The following ARHGAP19 variants were observed in gnomAD, a reference collection of about 807,000 sequenced individuals.
ARHGAP19 encodes the protein rho GTPase-activating protein 19.
Under a neutral mutation model 60.9 loss-of-function variants are expected in ARHGAP19, and 48 were observed. The observed-to-expected ratio is 0.79, with a 90% CI of 0.62 to 1.00. The LOEUF (loss-of-function observed/expected upper bound fraction) is 1.00, where lower values mean the gene tolerates loss of function less well. Ranked by LOEUF, ARHGAP19 falls within the 50% of genes least tolerant of loss-of-function variation. The pLI is 0.00. For synonymous variants in ARHGAP19, 209 were observed against 215.5 expected, an observed-to-expected ratio of 0.97 and a Z score of 0.27; for missense variants, 562 against 597.2, an observed-to-expected ratio of 0.94 and a Z score of 0.61.
intron 1 of ARHGAP19, chr10:97,270,754 A>T: frequency 1.5e-6 from 2 of 1,303,344 alleles, no homozygotes; most frequent in Non-Finnish European, 2.1e-6. Context: ...ATACAAGGGC[A>T]CATTATGGGG....
intron 1 of ARHGAP19, among the ~76,000 whole-genome samples, chr10:97,266,437 C>G (rs1842899940): frequency 1.3e-5 from 2 of 152,200 alleles, no homozygotes; most frequent in Admixed American, 1.3e-4. Context: ...CCAACCTCTG[C>G]TCAGACAGGT....
At chr10:97,255,748 T>C (rs1300906152) in intron 6 of ARHGAP19, among the ~76,000 whole-genome samples, 1 of 152,086 alleles carries the variant, frequency 6.6e-6, no homozygotes, top group African/African-American at 2.4e-5. Context: ...ACCTCACAGA[T>C]CCTCTCAATT....
At chr10:97,230,639 A>G (rs1850990105) in intron 9 of ARHGAP19, among the ~76,000 whole-genome samples, 2 of 152,236 alleles carry the variant, frequency 1.3e-5, no homozygotes, top group Non-Finnish European at 2.9e-5. Flanking sequence ...ATGAGCAGCA[A>G]TATTCAGAAC....
At chr10:97,278,964 G>GAGCT (rs895375803) in intron 1 of ARHGAP19, among the ~76,000 whole-genome samples, 1 of 152,152 alleles carries the variant, frequency 6.6e-6, no homozygotes, top group Non-Finnish European at 1.5e-5. Context: ...ATCAAAATAT[G>GAGCT]AGCTATATTT....
chr10:97,284,465 A>C (rs1295790955), intron 1 of ARHGAP19, among the ~76,000 whole-genome samples: 1 of 151,988 alleles, frequency 6.6e-6, no homozygotes, highest in African/African-American at 2.4e-5. Flanking sequence ...TGTAGTAAAT[A>C]TTATATAAGT....
At chr10:97,234,415 TAAAAAA>T (rs10592924) in intron 9 of ARHGAP19, among the ~76,000 whole-genome samples, 1 of 124,170 alleles carries the variant, frequency 8.1e-6, no homozygotes, top group Non-Finnish European at 1.6e-5. Context: ...AAATAAAAAT[TAAAAAA>T]AAAAAAAAAA....
At chr10:97,285,580 G>C (rs1427087052) in intron 1 of ARHGAP19, among the ~76,000 whole-genome samples, 1 of 143,494 alleles carries the variant, frequency 7.0e-6, no homozygotes, top group Non-Finnish European at 1.5e-5. Flanking sequence ...GGAGTATAGT[G>C]GCACAATCTC....
intron 1 of ARHGAP19, among the ~76,000 whole-genome samples, chr10:97,269,660 AG>A (rs1277156529): frequency 6.6e-6 from 1 of 152,182 alleles, no homozygotes; most frequent in Non-Finnish European, 1.5e-5. Flanking sequence ...CAGGAGGGCC[AG>A]AAAAATCATA....
At chr10:97,271,969 T>C (rs1365924516) in intron 1 of ARHGAP19, among the ~76,000 whole-genome samples, 1 of 152,056 alleles carries the variant, frequency 6.6e-6, no homozygotes, top group African/African-American at 2.4e-5. Flanking sequence ...AACTTTGTTA[T>C]GATGTATTAT....
At chr10:97,264,758 A>C (rs1842876000) in intron 3 of ARHGAP19, 68 bp downstream of exon 3, 10 of 1,206,678 alleles carry the variant, frequency 8.3e-6, no homozygotes, top group Non-Finnish European at 9.7e-6. Context: ...AACTCAAGGC[A>C]GTTAGCTCTC....
chr10:97,265,136 T>C (rs1842881745), intron 2 of ARHGAP19, among the ~76,000 whole-genome samples: 2 of 152,136 alleles, frequency 1.3e-5, no homozygotes, highest in Admixed American at 6.5e-5. Flanking sequence ...GGAAAGACCA[T>C]CTTCTTATTC....
In ARHGAP19 at chr10:97,278,266, C is replaced by G. The variant is rs1323188088; in HGVS notation, c.57-12141G>C. ...AGAGCATCATCCCTGAAGGAAAAAT[C>G]AGTTAAATCATTTTGTTCAACAGGA... is the stretch of plus-strand genomic sequence containing the variant. On this transcript the variant is annotated intron_variant, in intron 1 of 11. Coordinates refer to ENST00000358531, the MANE Select transcript of ARHGAP19 (RefSeq NM_032900.6). Among the ~76,000 whole-genome samples the G allele has an allele frequency of 2.6e-5, 4 of 152,296 alleles. No homozygotes were observed. The East Asian group carries it at 7.7e-4, about 29-fold the overall frequency.
rs1217776526 is a variant in ARHGAP19 at position 97,225,497 on chromosome 10, A to T, written c.*625T>A. On this transcript the variant is annotated 3_prime_UTR_variant, in exon 12 of 12. Transcript: ENST00000358531. The stretch of plus-strand genomic sequence containing the variant: ...TCTGATGTCACACCCAAGAAATAAT[A>T]AAAAATGTCCAGAAAAGCTATAAAT... 1 of 152,230 alleles carries T rather than the reference A, an allele frequency of 6.6e-6. No homozygotes were observed. Among genetic ancestry groups the T allele is most frequent in the Admixed American group, 6.5e-5 (1 of 15,278 alleles). 9.4% of individuals were successfully genotyped at this position (152,230 alleles called of 1,614,324 possible).
At chr10:97,281,412 A>T (rs1369822874) in intron 1 of ARHGAP19, among the ~76,000 whole-genome samples, 1 of 152,100 alleles carries the variant, frequency 6.6e-6, no homozygotes, top group Non-Finnish European at 1.5e-5. Context: ...TCAAAAAAGA[A>T]AAGAGTTTCT....
intron 1 of ARHGAP19, chr10:97,278,002 G>A (rs1483177077): frequency 6.6e-6 from 1 of 152,272 alleles, no homozygotes; most frequent in East Asian, 1.9e-4. Flanking sequence ...TACTACATCA[G>A]GTACAATAAA....
At chr10:97,243,897 T>C (rs1842524802) in intron 8 of ARHGAP19, 71 bp downstream of exon 8, 2 of 1,379,560 alleles carry the variant, frequency 1.4e-6, no homozygotes. Flanking sequence ...TTCTTAACAA[T>C]ATGACCTACT....
At chr10:97,234,643 T>C (rs540524094) in intron 9 of ARHGAP19, among the ~76,000 whole-genome samples, 4 of 152,276 alleles carry the variant, frequency 2.6e-5, no homozygotes, top group African/African-American at 7.2e-5. Flanking sequence ...TGAAGACTTA[T>C]AAATTTAATC....
intron 11 of ARHGAP19, among the ~76,000 whole-genome samples, chr10:97,227,040 G>C (rs116131019): frequency 6.6e-6 from 1 of 152,184 alleles, no homozygotes; most frequent in African/African-American, 2.4e-5. Context: ...TAAAGGCCAG[G>C]AAGGCTGCTC....
At chr10:97,239,259 C>T (rs953768674) in intron 8 of ARHGAP19, among the ~76,000 whole-genome samples, 3 of 152,078 alleles carry the variant, frequency 2.0e-5, no homozygotes, top group Non-Finnish European at 4.4e-5. Flanking sequence ...CTTTGGGAGG[C>T]CGAGGTGGGG....
Sources: gnomAD v4.1 joint callset for allele counts (sites outside exome capture counted in the v4.1 genomes callset) on GRCh38, gnomAD v4.1.1 for gene constraint, MANE v1.5 for transcripts, NCBI Gene and HGNC (gene_info 2026-07-23, HGNC 2026-07-21) for gene names.